The following SERPINI1 variants were observed in gnomAD, a reference collection of about 807,000 sequenced individuals.
SERPINI1 encodes neuroserpin.
A neutral mutation model predicts 41.1 loss-of-function variants in SERPINI1; 19 were observed. The ratio of observed to expected loss-of-function variants is 0.46; its 90% CI spans 0.32 to 0.68. The LOEUF (loss-of-function observed/expected upper bound fraction) is 0.68, where lower values mean the gene tolerates loss of function less well. Among genes scored for constraint, SERPINI1 ranks in the 30% least tolerant of loss-of-function variants. SERPINI1 has a pLI of 0.03. For synonymous variants in SERPINI1, 138 were observed against 156.6 expected, an observed-to-expected ratio of 0.88 and a Z score of 0.89; for missense variants, 460 against 479.2, an observed-to-expected ratio of 0.96 and a Z score of 0.37.
intron 6 of SERPINI1, among the ~76,000 whole-genome samples, chr3:167,822,547 A>G (rs1461258572): frequency 1.3e-5 from 2 of 152,174 alleles, no homozygotes; most frequent in African/African-American, 4.8e-5. Flanking sequence ...GGGTATTTAC[A>G]TTATCATAGT....
At chr3:167,738,565 T>A (rs1282323786) in intron 1 of SERPINI1, among the ~76,000 whole-genome samples, 2 of 151,946 alleles carry the variant, frequency 1.3e-5, no homozygotes, top group Non-Finnish European at 2.9e-5. Flanking sequence ...TTTGTTAAAT[T>A]CCTATAATCC....
At chr3:167,767,629 G>GA (rs1726608574) in intron 1 of SERPINI1, among the ~76,000 whole-genome samples, 1 of 152,108 alleles carries the variant, frequency 6.6e-6, no homozygotes, top group Non-Finnish European at 1.5e-5. Flanking sequence ...ATGCCATTTG[G>GA]AAAAAATGTT....
chr3:167,744,659 T>C (rs1050424389), intron 1 of SERPINI1, among the ~76,000 whole-genome samples: 16 of 121,382 alleles, frequency 1.3e-4, no homozygotes, highest in African/African-American at 5.3e-4. Flanking sequence ...TATATATAAA[T>C]ATAAAAATAT....
In SERPINI1 at chr3:167,771,627, T is replaced by A. The variant is rs576339764; in HGVS notation, c.-18-17484T>A. 2.0e-5 allele frequency among the ~76,000 whole-genome samples: 3 copies of A among 152,362 alleles called. No individual in the cohort carries two copies. The South Asian group carries it at 6.2e-4, about 32-fold the overall frequency. Reference sequence around the variant, plus strand: ...TTAGTGTTTTACCTGTTTAACTTTTTTTTTAGTTAAAACATTTAAGTACTG... The same window carrying A: ...TTAGTGTTTTACCTGTTTAACTTTTATTTTAGTTAAAACATTTAAGTACTG... On this transcript the variant is annotated intron_variant, in intron 1 of 8. Coordinates refer to ENST00000446050, the MANE Select transcript of SERPINI1 (RefSeq NM_001122752.2).
At chr3:167,816,950 G>A in intron 6 of SERPINI1, among the ~76,000 whole-genome samples, 1 of 152,060 alleles carries the variant, frequency 6.6e-6, no homozygotes, top group East Asian at 1.9e-4. Flanking sequence ...AATGCTAATG[G>A]AAGGAAGCAA....
chr3:167,813,171 T>C (rs1038066814), intron 6 of SERPINI1, among the ~76,000 whole-genome samples: 1 of 152,198 alleles, frequency 6.6e-6, no homozygotes, highest in Non-Finnish European at 1.5e-5. Context: ...GCCTGTAAAC[T>C]ACAAGGCTCT....
chr3:167,792,903 T>C, intron 4 of SERPINI1, 119 bp downstream of exon 4: 1 of 837,944 alleles, frequency 1.2e-6, no homozygotes, highest in Non-Finnish European at 1.9e-6. Context: ...ACAATTCAAT[T>C]TTTTGGCTCC....
At chr3:167,756,018 C>T (rs559391079) in intron 1 of SERPINI1, among the ~76,000 whole-genome samples, 1 of 152,160 alleles carries the variant, frequency 6.6e-6, no homozygotes, top group African/African-American at 2.4e-5. Context: ...CCACTAGAGG[C>T]TAATTAACCT....
At chr3:167,813,255 C>T (rs558816728) in intron 6 of SERPINI1, among the ~76,000 whole-genome samples, 1 of 152,348 alleles carries the variant, frequency 6.6e-6, no homozygotes, top group Admixed American at 6.5e-5. Context: ...CAAAGTTCAT[C>T]TTCCTGCCCC....
At chr3:167,799,590 T>C (rs1246407645) in intron 5 of SERPINI1, among the ~76,000 whole-genome samples, 1 of 152,244 alleles carries the variant, frequency 6.6e-6, no homozygotes, top group Non-Finnish European at 1.5e-5. Flanking sequence ...ATGCTATTTC[T>C]GGTTCTAGAT....
chr3:167,761,876 T>G (rs1453752736), intron 1 of SERPINI1, among the ~76,000 whole-genome samples: 1 of 152,216 alleles, frequency 6.6e-6, no homozygotes, highest in Non-Finnish European at 1.5e-5. Context: ...AATTCATTAC[T>G]TGTACAATTT....
intron 1 of SERPINI1, among the ~76,000 whole-genome samples, chr3:167,787,391 C>A (rs537312443): frequency 1.1e-4 from 17 of 152,338 alleles, no homozygotes; most frequent in South Asian, 8.3e-4. Context: ...TACTTTTATA[C>A]AACTTGCAGT....
rs774989939 is a variant in SERPINI1 at position 167,792,616 on chromosome 3, A to C, written c.508A>C (p.Arg170=). Reference sequence around the variant, plus strand: ...TCTGGTGAAAGATTTGGTATCCCCAAGGGATTTTGATGCTGCCACTTATCT... The same window carrying C: ...TCTGGTGAAAGATTTGGTATCCCCACGGGATTTTGATGCTGCCACTTATCT... The part of the protein sequence containing the change: ...NNLVKDLVSP[R]DFDAATYLAL... Residue 170 remains arginine, a synonymous_variant, in exon 4 of 9, where the codon AGG becomes CGG. Coordinates refer to ENST00000446050, the MANE Select transcript of SERPINI1 (RefSeq NM_001122752.2). 1 of 1,613,550 alleles carries C rather than the reference A, an allele frequency of 6.2e-7. No homozygotes were observed. The highest frequency in any genetic ancestry group is 1.7e-5 in the Admixed American group (1 of 59,852).
intron 1 of SERPINI1, among the ~76,000 whole-genome samples, chr3:167,765,861 C>G (rs1207421006): frequency 6.6e-6 from 1 of 152,168 alleles, no homozygotes; most frequent in African/African-American, 2.4e-5. Context: ...ATCTCTAGGG[C>G]AGGGGCAAAA....
intron 1 of SERPINI1, among the ~76,000 whole-genome samples, chr3:167,778,218 G>T (rs1727020622): frequency 6.6e-6 from 1 of 152,142 alleles, no homozygotes; most frequent in South Asian, 2.1e-4. Context: ...AAATAACCAA[G>T]AATTTTAGTC....
chr3:167,769,960 C>G (rs1015046705), intron 1 of SERPINI1, among the ~76,000 whole-genome samples: 1 of 130,880 alleles, frequency 7.6e-6, no homozygotes, highest in Non-Finnish European at 1.6e-5. Flanking sequence ...TTTCACTTGT[C>G]TCTTGACTGT....
chr3:167,796,527 G>T lies in SERPINI1; in HGVS notation c.881+1703G>T, dbSNP rs575778675. On this transcript the variant is annotated intron_variant, in intron 5 of 8. Coordinates refer to ENST00000446050, the MANE Select transcript of SERPINI1 (RefSeq NM_001122752.2). ...CTCCCTCCCCGCAACCCCCTGACAG[G>T]CCCCAATGTGTGTTGTTCCCCTCCC... 1.1e-4 allele frequency among the ~76,000 whole-genome samples: 17 copies of T among 152,010 alleles called. No individual in the cohort carries two copies. In the South Asian group the frequency reaches 1.2e-3, roughly 11 times the overall value.
chr3:167,801,262 C>T (rs1227649336), intron 5 of SERPINI1, among the ~76,000 whole-genome samples: 1 of 152,214 alleles, frequency 6.6e-6, no homozygotes, highest in Non-Finnish European at 1.5e-5. Flanking sequence ...GTCTTCAAAC[C>T]TCTACCCTCC....
At chr3:167,755,794 A>ATTTTTT (rs34182780) in intron 1 of SERPINI1, among the ~76,000 whole-genome samples, 6 of 119,220 alleles carry the variant, frequency 5.0e-5, no homozygotes, top group African/African-American at 9.8e-5. Context: ...GGTGTTGCTG[A>ATTTTTT]TTTTTTTTTT....
Sources: gnomAD v4.1 joint callset for allele counts (sites outside exome capture counted in the v4.1 genomes callset) on GRCh38, gnomAD v4.1.1 for gene constraint, MANE v1.5 for transcripts, NCBI Gene and HGNC (gene_info 2026-07-23, HGNC 2026-07-21) for gene names.